The following CNTD1 variants were observed in gnomAD, a reference collection of about 807,000 sequenced individuals.
The protein encoded by CNTD1 is cyclin N-terminal domain containing 1.
CNTD1 carries 17 observed loss-of-function variants against 36.3 expected under a neutral mutation model. The observed-to-expected ratio is 0.47, with a 90% confidence interval of 0.32 to 0.70. The LOEUF (loss-of-function observed/expected upper bound fraction) is 0.70, where lower values mean the gene tolerates loss of function less well. Among genes scored for constraint, CNTD1 ranks in the 30% least tolerant of loss-of-function variants. The pLI is 0.03. For synonymous variants in CNTD1, 128 were observed against 153.3 expected (o/e 0.83, Z 1.22); for missense variants, 338 against 386.1 (o/e 0.88, Z 1.04).
In CNTD1 at chr17:42,804,365, A is replaced by C; in HGVS notation, c.386A>C (p.Gln129Pro). Residue 129 changes from glutamine to proline, a missense_variant, in exon 3 of 7, where the codon CAG (glutamine) becomes CCG (proline). Transcript: ENST00000588408. ...ACTCTCCGTCTTGTGTCATGTGTTC[A>C]GCTGGCCAGCAAACTTTCCTTCCGA... is the stretch of plus-strand genomic sequence containing the variant. ...KFTLRLVSCV[Q>P]LASKLSFRNK... 1 of 1,614,104 alleles carries C rather than the reference A, an allele frequency of 6.2e-7. No individual in the cohort carries two copies. The highest frequency in any genetic ancestry group is 8.5e-7 in the Non-Finnish European group (1 of 1,180,006).
intron 3 of CNTD1, 91 bp from the exon 4 acceptor site, chr17:42,805,631 A>G: frequency 9.1e-7 from 1 of 1,101,982 alleles, no homozygotes; most frequent in Non-Finnish European, 1.3e-6. Flanking sequence ...AGATGAAGGA[A>G]TAGGCTGGAT....
At chr17:42,805,925 T>C in intron 4 of CNTD1, 41 bp downstream of exon 4, 3 of 1,556,154 alleles carry the variant, frequency 1.9e-6, no homozygotes, top group Non-Finnish European at 2.6e-6. Context: ...GAGACTTCCA[T>C]AGAAGGCAAT....
intron 1 of CNTD1, among the ~76,000 whole-genome samples, chr17:42,800,872 G>C (rs1597911111): frequency 6.6e-6 from 1 of 152,162 alleles, no homozygotes; most frequent in Admixed American, 6.5e-5. Context: ...AAGACTGGAA[G>C]TATAGTGGTC....
chr17:42,802,822 C>T (rs183988510), intron 1 of CNTD1, among the ~76,000 whole-genome samples: 9 of 152,222 alleles, frequency 5.9e-5, no homozygotes, highest in African/African-American at 1.9e-4. Flanking sequence ...TGACATTTAC[C>T]CTTGTTTCCA....
At chr17:42,801,545 ATAAT>A (rs1377863474) in intron 1 of CNTD1, among the ~76,000 whole-genome samples, 5 of 48,652 alleles carry the variant, frequency 1.0e-4, no homozygotes, top group Admixed American at 2.5e-4. Flanking sequence ...ATATATATAT[ATAAT>A]ATATGTGTGT....
In CNTD1 at chr17:42,805,849, C is replaced by T; in HGVS notation, c.545C>T (p.Pro182Leu). 1 of 1,613,862 alleles carries T rather than the reference C, an allele frequency of 6.2e-7. No homozygotes were observed. The highest frequency in any genetic ancestry group is 8.5e-7 in the Non-Finnish European group (1 of 1,179,886). Residue 182 changes from proline to leucine, a missense_variant, in exon 4 of 7, where the codon CCC becomes CTC. By Grantham distance (98) the Pro-to-Leu change is moderately conservative. Transcript: ENST00000588408. ...AACTTCCGAATTAATCTGCCCACTC[C>T]CCTGGCATATGTGGAGACGCTCCTA... ...SLNFRINLPT[P>L]LAYVETLLEV... is the part of the protein sequence containing the mutation.
At chr17:42,799,364 C>A in intron 1 of CNTD1, 128 bp downstream of exon 1, 1 of 1,084,176 alleles carries the variant, frequency 9.2e-7, no homozygotes, top group Non-Finnish European at 1.3e-6. Flanking sequence ...CTGTGGGGTG[C>A]TGGGGATATA....
rs374376039 is a variant in CNTD1, at chr17:42,810,974, T to C, written c.*1439T>C. 4.0e-6 allele frequency: 6 copies of C among 1,510,528 alleles called. No homozygotes were observed. In the African/African-American group the frequency reaches 8.4e-5, roughly 21 times the overall value. The allele number at this position is 1,510,528 out of a possible 1,614,324, so 93.6% of individuals were successfully genotyped here. ...ACTCATTAGTAACTGAGATCTGAGTTAAGTAAGTTCGGGGCAGGGACTTGA... is the reference window on the plus strand; with the variant it reads ...ACTCATTAGTAACTGAGATCTGAGTCAAGTAAGTTCGGGGCAGGGACTTGA... On this transcript the variant is annotated 3_prime_UTR_variant, in exon 7 of 7. Transcript: ENST00000588408.
rs2054977009 is a variant in CNTD1 at position 42,810,652 on chromosome 17, T to C, written c.*1117T>C. ...CTTTTGTGGATTTTTTCTTTTTTGG[T>C]ATTGTAAACATGTACTGTTTAATAT... is the stretch of plus-strand genomic sequence containing the variant. On this transcript the variant is annotated 3_prime_UTR_variant, in exon 7 of 7. Coordinates refer to ENST00000588408, the MANE Select transcript of CNTD1 (RefSeq NM_173478.3). 2 of 1,188,756 alleles carry C rather than the reference T, an allele frequency of 1.7e-6. No individual in the cohort carries two copies. The highest frequency in any genetic ancestry group is 3.1e-5 in the African/African-American group (2 of 63,536). 73.6% of individuals were successfully genotyped at this position (1,188,756 alleles called of 1,614,324 possible). A position where few individuals can be genotyped will look rare whatever the true frequency, so the allele number is the denominator to read the frequency against.
chr17:42,804,435 G>C, intron 3 of CNTD1, 39 bp downstream of exon 3: 1 of 1,571,778 alleles, frequency 6.4e-7, no homozygotes, highest in South Asian at 1.1e-5. Context: ...CTGAGTGTTA[G>C]GAAGAAACCA....
rs1282233960 is a variant in CNTD1, at chr17:42,803,685, A to T, written c.235A>T (p.Ile79Phe). ...EKSVSYQAVE[I>F]LERFMVKQAE... The stretch of plus-strand genomic sequence containing the variant: ...ATCTGTGAGCTACCAGGCTGTAGAA[A>T]TCCTAGAAAGGTAAAGCCCTGGCAT... The change falls in exon 2 of 7, where the codon ATC (isoleucine) becomes TTC (phenylalanine). Residue 79 changes from isoleucine (I) to phenylalanine (F), a missense_variant. By Grantham distance (21) the Ile-to-Phe change is conservative. Transcript: ENST00000588408. The T allele has an allele frequency of 6.2e-7, 1 of 1,613,792 alleles. No individual in the cohort carries two copies. The highest frequency in any genetic ancestry group is 2.2e-5 in the East Asian group (1 of 44,900).
Position 42,799,004 on chromosome 17 carries a change from G to C in CNTD1, c.-64G>C. The C allele has an allele frequency of 4.4e-6, 7 of 1,581,060 alleles. No individual in the cohort carries two copies. The highest frequency in any genetic ancestry group is 6.0e-6 in the Non-Finnish European group (7 of 1,164,478). ...CAGGGTGTGGCAGAAGACTGGAGAG[G>C]AGCTAAGGGGGTCGGTATGTGGATC... is the stretch of plus-strand genomic sequence containing the variant. On this transcript the variant is annotated 5_prime_UTR_variant, in exon 1 of 7. Coordinates refer to ENST00000588408, the MANE Select transcript of CNTD1 (RefSeq NM_173478.3).
Position 42,809,465 on chromosome 17 carries a change from G to T in CNTD1, c.923G>T (p.Gly308Val), listed in dbSNP as rs141773326. 2,833 of 1,614,148 alleles carry T rather than the reference G, an allele frequency of 1.8e-3. 47 individuals carry two copies. The African/African-American group carries it at 0.031, about 18-fold the overall frequency. Residue 308 changes from glycine to valine, a missense_variant, in exon 7 of 7, where the codon GGG becomes GTG. Physicochemically the swap from Gly to Val is moderately radical, Grantham distance 109. Coordinates refer to ENST00000588408, the MANE Select transcript of CNTD1 (RefSeq NM_173478.3). ...CACGGAGTGGGAGCCAACACTCCGG[G>T]GAGACAGCAGTCTATTCCTCCCCAC... is the stretch of plus-strand genomic sequence containing the variant. ...LTHGVGANTP[G>V]RQQSIPPHLA... is the part of the protein sequence containing the mutation.
chr17:42,810,984 C>A lies in CNTD1; in HGVS notation c.*1449C>A. 21 of 1,474,174 alleles carry A rather than the reference C, an allele frequency of 1.4e-5. No homozygotes were observed. In the South Asian group the frequency reaches 3.0e-4, roughly 21 times the overall value. 91.3% of individuals were successfully genotyped at this position (1,474,174 alleles called of 1,614,324 possible). On this transcript the variant is annotated 3_prime_UTR_variant, in exon 7 of 7. Coordinates refer to ENST00000588408, the MANE Select transcript of CNTD1 (RefSeq NM_173478.3). ...AACTGAGATCTGAGTTAAGTAAGTT[C>A]GGGGCAGGGACTTGATCATGGGACC... is the stretch of plus-strand genomic sequence containing the variant.
chr17:42,805,082 G>T (rs538943493), intron 3 of CNTD1, among the ~76,000 whole-genome samples: 1 of 152,168 alleles, frequency 6.6e-6, no homozygotes, highest in East Asian at 1.9e-4. Context: ...TTTACATAAG[G>T]TGCCTGAATT....
chr17:42,801,133 C>A (rs1305758448), intron 1 of CNTD1, among the ~76,000 whole-genome samples: 1 of 143,058 alleles, frequency 7.0e-6, no homozygotes, highest in Non-Finnish European at 1.5e-5. Context: ...TGCAGTGAGC[C>A]AAGATTGTGC....
chr17:42,811,578 G>C lies in CNTD1; in HGVS notation c.*2043G>C. The C allele has an allele frequency of 1.3e-6, 2 of 1,532,554 alleles. No homozygotes were observed. Among genetic ancestry groups the C allele is most frequent in the Non-Finnish European group, 1.8e-6 (2 of 1,137,246 alleles). 94.9% of individuals were successfully genotyped at this position (1,532,554 alleles called of 1,614,324 possible). ...GCTTTCCCACCATTTATACTGTTTT[G>C]CCTCCATTATTACTGCTGCTTCAAT... On this transcript the variant is annotated 3_prime_UTR_variant, in exon 7 of 7. Transcript: ENST00000588408.
In CNTD1 at chr17:42,801,506, AAAAAATATATATAT is replaced by A. The variant is rs1340339567; in HGVS notation, c.170-2112_170-2099del. On this transcript the variant is annotated intron_variant, in intron 1 of 6. Coordinates refer to ENST00000588408, the MANE Select transcript of CNTD1 (RefSeq NM_173478.3). ...GTGAGACCTTGTCTCAAAAAAAAAA[AAAAAATATATATAT>A]ATATATATATATATATATATATATA... Among the ~76,000 whole-genome samples the A allele has an allele frequency of 9.5e-5, 5 of 52,728 alleles. 1 individual carries two copies. Among genetic ancestry groups the A allele is most frequent in the African/African-American group, 8.2e-4 (5 of 6,108 alleles). 34.6% of individuals were successfully genotyped at this position (52,728 alleles called of 152,430 possible).
Position 42,810,527 on chromosome 17 carries a change from C to A in CNTD1, c.*992C>A. ...TTTCAGAGAAGAAAGGGAAAGGAGT[C>A]CATGGGGTTAAGAATCAAAACTGAC... is the stretch of plus-strand genomic sequence containing the variant. On this transcript the variant is annotated 3_prime_UTR_variant, in exon 7 of 7. Coordinates refer to ENST00000588408, the MANE Select transcript of CNTD1 (RefSeq NM_173478.3). The A allele has an allele frequency of 2.8e-6, 1 of 357,366 alleles. No individual in the cohort carries two copies. The highest frequency in any genetic ancestry group is 4.9e-6 in the Non-Finnish European group (1 of 202,428). 22.1% of individuals were successfully genotyped at this position (357,366 alleles called of 1,614,324 possible).
Sources: gnomAD v4.1 joint callset for allele counts (sites outside exome capture counted in the v4.1 genomes callset) on GRCh38, gnomAD v4.1.1 for gene constraint, MANE v1.5 for transcripts, NCBI Gene and HGNC (gene_info 2026-07-23, HGNC 2026-07-21) for gene names.